ATP6V1A: variants seen among roughly 807,000 people sequenced by gnomAD.
ATP6V1A encodes ATPase H+ transporting V1 subunit A.
A neutral mutation model predicts 70.1 loss-of-function variants in ATP6V1A; 18 were observed. The observed-to-expected ratio is 0.26, with a 90% CI of 0.18 to 0.38. The LOEUF is 0.38. ATP6V1A is among the 10% of genes least tolerant of loss of function. The pLI is 1.00. For missense variants in ATP6V1A, 424 were observed against 772.4 expected (o/e 0.55, Z 5.35); for synonymous variants, 232 against 253.8 (o/e 0.91, Z 0.82).
chr3:113,770,022 T>A (rs1459055454), intron 1 of ATP6V1A, among the ~76,000 whole-genome samples: 1 of 136,738 alleles, frequency 7.3e-6, no homozygotes, highest in African/African-American at 2.8e-5. Context: ...GTAATAAGTA[T>A]TCCTGCTTTT....
chr3:113,758,986 A>T (rs989959975), intron 1 of ATP6V1A, among the ~76,000 whole-genome samples: 1 of 152,194 alleles, frequency 6.6e-6, no homozygotes, highest in Non-Finnish European at 1.5e-5. Flanking sequence ...TGAATGTTCA[A>T]ATCTTTTGCC....
intron 1 of ATP6V1A, among the ~76,000 whole-genome samples, chr3:113,768,214 G>C (rs549807500): frequency 6.6e-6 from 1 of 152,116 alleles, no homozygotes; most frequent in Non-Finnish European, 1.5e-5. Context: ...CTGTGACTTT[G>C]CTGTTCTCTG....
At position 113,774,828 on chromosome 3, in the gene ATP6V1A, G is replaced by GA. The variant is rs558009971; in HGVS notation, c.-13-3902dup. On this transcript the variant is annotated intron_variant, in intron 1 of 14. Coordinates refer to ENST00000273398, the MANE Select transcript of ATP6V1A (RefSeq NM_001690.4). ...ACCCTGTCTCAAAAAAAAAAGAAAA[G>GA]AAAAAAAAAAAGCAGCATTCAGAAT... Among the ~76,000 whole-genome samples the GA allele has an allele frequency of 6.6e-3, 888 of 134,686 alleles. 13 individuals carry two copies. The highest frequency in any genetic ancestry group is 0.022 in the African/African-American group (813 of 36,682). The allele number at this position is 134,686 out of a possible 152,430, so 88.4% of individuals were successfully genotyped here. A position where few individuals can be genotyped will look rare whatever the true frequency, so the allele number is the denominator to read the frequency against.
At chr3:113,792,268 A>C (rs764441860) in intron 8 of ATP6V1A, among the ~76,000 whole-genome samples, 5 of 152,156 alleles carry the variant, frequency 3.3e-5, no homozygotes, top group African/African-American at 1.2e-4. Flanking sequence ...TACGATAGGC[A>C]GCACTAAAAC....
chr3:113,778,417 C>T (rs1029199610), intron 1 of ATP6V1A, among the ~76,000 whole-genome samples: 12 of 151,484 alleles, frequency 7.9e-5, no homozygotes, highest in Non-Finnish European at 1.6e-4. Flanking sequence ...AACAAACAAA[C>T]AAAAAACTAG....
rs755684052 is a variant in ATP6V1A, at chr3:113,775,017, C to A, written c.-13-3724C>A. Among the ~76,000 whole-genome samples, 6 of 151,944 alleles carry A rather than the reference C, an allele frequency of 3.9e-5. 1 individual carries two copies. In the Middle Eastern group the frequency reaches 0.01, roughly 258 times the overall value. On this transcript the variant is annotated intron_variant, in intron 1 of 14. Transcript: ENST00000273398. ...ATACTTTGAGGGACAATGGAAGGCA[C>A]TAAAGAGAATGTGCTTGGAGAGGAA...
At chr3:113,777,269 TAAAAGAAAAAAGGAAAAAC>T (rs1708925062) in intron 1 of ATP6V1A, among the ~76,000 whole-genome samples, 1 of 152,032 alleles carries the variant, frequency 6.6e-6, no homozygotes, top group Non-Finnish European at 1.5e-5. Context: ...TGTGTTCCAC[TAAAAGAAAAAAGGAAAAAC>T]ACTCATAGTT....
At chr3:113,770,982 C>G (rs1319378542) in intron 1 of ATP6V1A, among the ~76,000 whole-genome samples, 1 of 151,466 alleles carries the variant, frequency 6.6e-6, no homozygotes, top group Non-Finnish European at 1.5e-5. Context: ...GTAATTCCAG[C>G]TACTCGGGAG....
chr3:113,804,635 T>A (rs1266582747), intron 13 of ATP6V1A, among the ~76,000 whole-genome samples: 1 of 152,158 alleles, frequency 6.6e-6, no homozygotes, highest in Non-Finnish European at 1.5e-5. Context: ...TGCCTGTATA[T>A]CAGTAAGCCC....
intron 2 of ATP6V1A, among the ~76,000 whole-genome samples, chr3:113,780,028 C>T (rs1056110638): frequency 2.0e-5 from 3 of 152,138 alleles, no homozygotes; most frequent in African/African-American, 7.2e-5. Flanking sequence ...CCCTTGCCTC[C>T]TGCAATTTTT....
At chr3:113,778,006 G>A (rs746595806) in intron 1 of ATP6V1A, among the ~76,000 whole-genome samples, 2 of 152,112 alleles carry the variant, frequency 1.3e-5, no homozygotes, top group African/African-American at 4.8e-5. Flanking sequence ...TATAGTTATC[G>A]ATATTTCCTA....
rs1709065688 is a variant in ATP6V1A, at chr3:113,788,970, G to A, written c.879+95G>A. ...AGCTTTGTGTTGGGTCTGGAGCAAT[G>A]CTGTCATTCGTCAAGGATCTTTAAG... On this transcript the variant is annotated intron_variant, in intron 7 of 14. Coordinates refer to ENST00000273398, the MANE Select transcript of ATP6V1A (RefSeq NM_001690.4). 5 of 1,078,654 alleles carry A rather than the reference G, an allele frequency of 4.6e-6. No homozygotes were observed. The Admixed American group carries it at 1.2e-4, about 26-fold the overall frequency. 66.8% of individuals were successfully genotyped at this position (1,078,654 alleles called of 1,614,324 possible). A position where few individuals can be genotyped will look rare whatever the true frequency, so the allele number is the denominator to read the frequency against.
intron 12 of ATP6V1A, among the ~76,000 whole-genome samples, chr3:113,798,652 A>T (rs905552087): frequency 2.6e-5 from 4 of 152,200 alleles, no homozygotes; most frequent in Non-Finnish European, 5.9e-5. Flanking sequence ...ATTTACTTTT[A>T]TCTTGAAATG....
chr3:113,751,910 T>C (rs2108005264), intron 1 of ATP6V1A, among the ~76,000 whole-genome samples: 1 of 152,002 alleles, frequency 6.6e-6, no homozygotes, highest in African/African-American at 2.4e-5. Flanking sequence ...TTTACAACTG[T>C]GATTAGCTGT....
chr3:113,796,307 A>G (rs1709153195), intron 11 of ATP6V1A, among the ~76,000 whole-genome samples: 2 of 152,220 alleles, frequency 1.3e-5, no homozygotes, highest in Admixed American at 6.5e-5. Flanking sequence ...GTATGATCCA[A>G]GGCTCTCTTC....
At chr3:113,767,163 C>A (rs185230897) in intron 1 of ATP6V1A, among the ~76,000 whole-genome samples, 11 of 141,930 alleles carry the variant, frequency 7.8e-5, no homozygotes, top group African/African-American at 2.9e-4. Flanking sequence ...GTGATCTTGG[C>A]GCATTGCAAC....
intron 14 of ATP6V1A, 71 bp downstream of exon 14, chr3:113,805,596 G>C (rs1354628937): frequency 2.1e-6 from 3 of 1,442,222 alleles, no homozygotes; most frequent in Non-Finnish European, 2.8e-6. Flanking sequence ...TTTAGACAGA[G>C]TCTCACTCTG....
chr3:113,780,720 A>G, intron 2 of ATP6V1A: 1 of 1,283,320 alleles, frequency 7.8e-7, no homozygotes, highest in African/African-American at 1.5e-5. Context: ...AGTTTTTTTT[A>G]TTGTTCCAAA....
chr3:113,809,492 G>T lies in ATP6V1A; in HGVS notation c.*65G>T, dbSNP rs907186590. ...CAAGCTCCTATGTGTATATTTTCCTGAATTTCTCATCTCAAACCCTTTGCT... is the reference window on the plus strand; with the variant it reads ...CAAGCTCCTATGTGTATATTTTCCTTAATTTCTCATCTCAAACCCTTTGCT... On this transcript the variant is annotated 3_prime_UTR_variant, in exon 15 of 15. Transcript: ENST00000273398. The T allele has an allele frequency of 1.5e-5, 22 of 1,432,072 alleles. No homozygotes were observed. The Middle Eastern group carries it at 8.9e-4, about 58-fold the overall frequency. 88.7% of individuals were successfully genotyped at this position (1,432,072 alleles called of 1,614,324 possible).
Sources: gnomAD v4.1 joint callset for allele counts (sites outside exome capture counted in the v4.1 genomes callset) on GRCh38, gnomAD v4.1.1 for gene constraint, MANE v1.5 for transcripts, NCBI Gene and HGNC (gene_info 2026-07-23, HGNC 2026-07-21) for gene names.